Variants in DDX10 observed in about 807,000 individuals in gnomAD.
DDX10 encodes the protein DEAD-box helicase 10.
DDX10 carries 74 observed loss-of-function variants against 104.3 expected under a neutral mutation model. The observed-to-expected ratio is 0.71, with a 90% CI of 0.59 to 0.86. The LOEUF (loss-of-function observed/expected upper bound fraction) is 0.86. Ranked by LOEUF, DDX10 falls within the 40% of genes least tolerant of loss-of-function variation. The pLI is 0.00. For synonymous variants in DDX10, 351 were observed against 353.4 expected, an observed-to-expected ratio of 0.99 and a Z score of 0.08; for missense variants, 952 against 1,040.0, an observed-to-expected ratio of 0.92 and a Z score of 1.16.
intron 13 of DDX10, among the ~76,000 whole-genome samples, chr11:108,812,762 A>G (rs1020556301): frequency 4.6e-5 from 7 of 152,076 alleles, no homozygotes; most frequent in Admixed American, 3.3e-4. Context: ...TGGGTGGATC[A>G]CGTGAAGTCC....
At chr11:108,861,949 C>A (rs1473506604) in intron 16 of DDX10, among the ~76,000 whole-genome samples, 1 of 152,116 alleles carries the variant, frequency 6.6e-6, no homozygotes, top group African/African-American at 2.4e-5. Context: ...ATTGCTTGAA[C>A]TCGGGAGGCG....
chr11:108,766,055 T>A, intron 13 of DDX10, among the ~76,000 whole-genome samples: 1 of 152,204 alleles, frequency 6.6e-6, no homozygotes, highest in Non-Finnish European at 1.5e-5. Flanking sequence ...TAAAAATGAT[T>A]TTGATTTGGG....
In DDX10 at chr11:108,670,925, T is replaced by C. The variant is rs78899459; in HGVS notation, c.187-2542T>C. ...TTTTTTCATCAGGCATTATTCACTT[T>C]AGCGAGAAATAGGCATTACCAGAGA... On this transcript the variant is annotated intron_variant, in intron 1 of 17. Transcript: ENST00000322536. Among the ~76,000 whole-genome samples, 56 of 152,296 alleles carry C rather than the reference T, an allele frequency of 3.7e-4. No individual in the cohort carries two copies. In the East Asian group the frequency reaches 9.1e-3, roughly 25 times the overall value.
intron 16 of DDX10, among the ~76,000 whole-genome samples, chr11:108,888,756 CTG>C (rs1863335720): frequency 6.6e-6 from 1 of 151,528 alleles, no homozygotes; most frequent in Non-Finnish European, 1.5e-5. Flanking sequence ...ATTGATGTGT[CTG>C]ACAAGATTTA....
chr11:108,795,076 C>A (rs970159578), intron 13 of DDX10, among the ~76,000 whole-genome samples: 1 of 152,076 alleles, frequency 6.6e-6, no homozygotes, highest in Non-Finnish European at 1.5e-5. Context: ...GATCCGCACA[C>A]CTTGGCCTGC....
chr11:108,817,866 A>G (rs1862275930), intron 13 of DDX10, among the ~76,000 whole-genome samples: 1 of 152,248 alleles, frequency 6.6e-6, no homozygotes, highest in South Asian at 2.1e-4. Context: ...AATGTGGATC[A>G]GGCATTTGCC....
At chr11:108,906,226 T>G (rs1420544303) in intron 16 of DDX10, among the ~76,000 whole-genome samples, 2 of 152,230 alleles carry the variant, frequency 1.3e-5, no homozygotes, top group African/African-American at 4.8e-5. Flanking sequence ...TGAGCCTTAA[T>G]CATTTATTTA....
intron 17 of DDX10, among the ~76,000 whole-genome samples, chr11:108,935,302 A>C (rs1864022716): frequency 6.6e-6 from 1 of 152,192 alleles, no homozygotes; most frequent in Admixed American, 6.5e-5. Flanking sequence ...TATTCAGGGA[A>C]TAGAAAGGAG....
chr11:108,737,334 C>G (rs936882349), intron 13 of DDX10, among the ~76,000 whole-genome samples: 2 of 152,172 alleles, frequency 1.3e-5, no homozygotes, highest in Non-Finnish European at 2.9e-5. Context: ...TTTTCCCCTC[C>G]AGAAGGCTGT....
chr11:108,928,484 G>A (rs535326334), intron 17 of DDX10, among the ~76,000 whole-genome samples: 26 of 152,254 alleles, frequency 1.7e-4, no homozygotes, highest in African/African-American at 6.0e-4. Context: ...TGATCTACAC[G>A]CTGTATTATT....
rs566828814 is a variant in DDX10 at position 108,826,428 on chromosome 11, A to G, written c.1966-12018A>G. Among the ~76,000 whole-genome samples, 203 of 152,318 alleles carry G rather than the reference A, an allele frequency of 1.3e-3. 1 individual carries two copies. Among genetic ancestry groups the G allele is most frequent in the African/African-American group, 4.7e-3 (197 of 41,550 alleles). ...CAAAAGGCCGGATATCACAGGCATAAGGGCACACCATGACCATGAGACATC... is the reference window on the plus strand; with the variant it reads ...CAAAAGGCCGGATATCACAGGCATAGGGGCACACCATGACCATGAGACATC... On this transcript the variant is annotated intron_variant, in intron 13 of 17. Coordinates refer to ENST00000322536, the MANE Select transcript of DDX10 (RefSeq NM_004398.4).
intron 13 of DDX10, among the ~76,000 whole-genome samples, chr11:108,798,862 T>A (rs1052202043): frequency 5.9e-5 from 9 of 152,160 alleles, no homozygotes; most frequent in African/African-American, 1.2e-4. Context: ...CTTTGTGGTA[T>A]CTATCTTTTC....
At chr11:108,677,315 A>T in intron 4 of DDX10, 72 bp downstream of exon 4, 1 of 1,380,896 alleles carries the variant, frequency 7.2e-7, no homozygotes, top group Non-Finnish European at 1.0e-6. Flanking sequence ...GATGACAGGG[A>T]GGCAGCAGAG....
chr11:108,775,464 G>A (rs546960385), intron 13 of DDX10, among the ~76,000 whole-genome samples: 331 of 152,262 alleles, frequency 2.2e-3, no homozygotes, highest in Non-Finnish European at 3.8e-3. Flanking sequence ...AAGAATTTAT[G>A]CTAAGCCTTG....
chr11:108,792,823 A>G (rs1238661444), intron 13 of DDX10, among the ~76,000 whole-genome samples: 10 of 152,126 alleles, frequency 6.6e-5, no homozygotes, highest in Admixed American at 6.5e-4. Context: ...ATATTGATCA[A>G]TTTGTTGGCA....
At chr11:108,832,510 T>G (rs1233729434) in intron 13 of DDX10, among the ~76,000 whole-genome samples, 1 of 152,208 alleles carries the variant, frequency 6.6e-6, no homozygotes, top group Admixed American at 6.5e-5. Context: ...TTAGAAATAC[T>G]GGCAGATAAT....
intron 9 of DDX10, among the ~76,000 whole-genome samples, chr11:108,702,457 T>G (rs766094965): frequency 6.1e-4 from 93 of 152,118 alleles, no homozygotes; most frequent in Non-Finnish European, 1.1e-3. Flanking sequence ...CAGACCATGG[T>G]AGGACAATAG....
intron 13 of DDX10, among the ~76,000 whole-genome samples, chr11:108,786,771 G>A (rs569515527): frequency 1.3e-5 from 2 of 152,290 alleles, no homozygotes; most frequent in Admixed American, 1.3e-4. Flanking sequence ...GAAGGCACCA[G>A]ACAGTTGGGT....
At chr11:108,725,806 C>A (rs1469050514) in intron 13 of DDX10, among the ~76,000 whole-genome samples, 1 of 151,930 alleles carries the variant, frequency 6.6e-6, no homozygotes, top group African/African-American at 2.4e-5. Context: ...TGATTTCAAT[C>A]ACATTTTAGG....
Sources: gnomAD v4.1 joint callset for allele counts (sites outside exome capture counted in the v4.1 genomes callset) on GRCh38, gnomAD v4.1.1 for gene constraint, MANE v1.5 for transcripts, NCBI Gene and HGNC (gene_info 2026-07-23, HGNC 2026-07-21) for gene names.